Variants in PCDHA11 observed in about 807,000 individuals in gnomAD.
The protein encoded by PCDHA11 is protocadherin alpha-11.
PCDHA11 carries 61 observed loss-of-function variants against 70.3 expected under a neutral mutation model. The observed-to-expected ratio is 0.87, with a 90% CI of 0.71 to 1.07. The LOEUF is 1.07. Ranked by LOEUF, PCDHA11 falls within the 50% of genes least tolerant of loss-of-function variation. The probability of loss-of-function intolerance (pLI) is 0.00; values close to 1 mark genes in which losing one functional copy is unlikely to be tolerated. For synonymous variants in PCDHA11, 633 were observed against 555.1 expected (o/e 1.14, Z -1.97); for missense variants, 1,324 against 1,237.5 (o/e 1.07, Z -1.05).
chr5:140,930,098 A>G (rs1345846320), intron 1 of PCDHA11: 1 of 152,124 alleles, frequency 6.6e-6, no homozygotes, highest in Non-Finnish European at 1.5e-5. Flanking sequence ...ATTTATACTG[A>G]TAGGAGATCA....
At chr5:140,887,333 T>A (rs1214047567) in intron 1 of PCDHA11, among the ~76,000 whole-genome samples, 1 of 152,174 alleles carries the variant, frequency 6.6e-6, no homozygotes, top group African/African-American at 2.4e-5. Context: ...CCTGACCTCG[T>A]GATCCACCTG....
At chr5:140,926,926 T>C in intron 1 of PCDHA11, 1 of 1,573,576 alleles carries the variant, frequency 6.4e-7, no homozygotes, top group South Asian at 1.2e-5. Flanking sequence ...TTTATGTTTG[T>C]GGGTTTCCTG....
chr5:140,979,604 A>T (rs1326370777), intron 2 of PCDHA11, among the ~76,000 whole-genome samples: 1 of 152,204 alleles, frequency 6.6e-6, no homozygotes, highest in African/African-American at 2.4e-5. Context: ...AAATTAACCT[A>T]GAGTAACGGT....
rs1310366696 is a variant in PCDHA11 at position 140,890,210 on chromosome 5, T to A, written c.2391+18716T>A. Among the ~76,000 whole-genome samples the A allele has an allele frequency of 5.3e-5, 8 of 152,148 alleles. 1 individual carries two copies. Among genetic ancestry groups the A allele is most frequent in the Admixed American group, 3.3e-4 (5 of 15,270 alleles). On this transcript the variant is annotated intron_variant, in intron 1 of 3. Coordinates refer to ENST00000398640, the MANE Select transcript of PCDHA11 (RefSeq NM_018902.5). ...AACAGAGTTTTTTGTTTTTCTTTTT[T>A]CCCAGAGACCTAGTTGTTAAGCATT... is the stretch of plus-strand genomic sequence containing the variant.
intron 3 of PCDHA11, among the ~76,000 whole-genome samples, chr5:140,993,956 C>T (rs2097588909): frequency 6.6e-6 from 1 of 152,140 alleles, no homozygotes; most frequent in Admixed American, 6.5e-5. Flanking sequence ...TGATACATGA[C>T]TGTAGTCATC....
At chr5:141,001,971 G>C (rs1240624295) in intron 3 of PCDHA11, among the ~76,000 whole-genome samples, 2 of 152,186 alleles carry the variant, frequency 1.3e-5, no homozygotes, top group Admixed American at 1.3e-4. Flanking sequence ...GGGTGTCTCT[G>C]CGCGGAAAGC....
chr5:140,949,537 C>T (rs1359504503), intron 1 of PCDHA11, among the ~76,000 whole-genome samples: 4 of 151,692 alleles, frequency 2.6e-5, no homozygotes, highest in African/African-American at 7.3e-5. Context: ...CATAAAATAT[C>T]GATTTGTTGC....
At chr5:140,969,249 ACAG>A in intron 1 of PCDHA11, 1 of 1,614,240 alleles carries the variant, frequency 6.2e-7, no homozygotes, top group Non-Finnish European at 8.5e-7. Flanking sequence ...GCAGTGACTG[ACAG>A]CAGGAATCTC....
At chr5:141,005,826 A>T (rs1283643370) in intron 3 of PCDHA11, among the ~76,000 whole-genome samples, 4 of 151,340 alleles carry the variant, frequency 2.6e-5, no homozygotes, top group Admixed American at 6.6e-5. Flanking sequence ...GGTGGCCTGT[A>T]GTCCCAGCCA....
At chr5:140,974,264 C>A (rs2096620873) in intron 1 of PCDHA11, among the ~76,000 whole-genome samples, 1 of 152,168 alleles carries the variant, frequency 6.6e-6, no homozygotes, top group African/African-American at 2.4e-5. Flanking sequence ...CCTTTCTGGC[C>A]TTCCAGGGTC....
intron 1 of PCDHA11, chr5:140,883,972 C>G (rs781784485): frequency 3.1e-6 from 5 of 1,612,854 alleles, no homozygotes; most frequent in Non-Finnish European, 4.2e-6. Context: ...TGCTGACGCC[C>G]GGGGCTGGCA....
At chr5:140,918,742 A>T (rs2078833886) in intron 1 of PCDHA11, among the ~76,000 whole-genome samples, 1 of 152,170 alleles carries the variant, frequency 6.6e-6, no homozygotes, top group Non-Finnish European at 1.5e-5. Context: ...GCCCTTATAA[A>T]AGAGGCCCAG....
At chr5:140,989,837 T>C (rs1389244965) in intron 3 of PCDHA11, among the ~76,000 whole-genome samples, 1 of 152,120 alleles carries the variant, frequency 6.6e-6, no homozygotes, top group African/African-American at 2.4e-5. Context: ...AGCCTGTCAA[T>C]GAGTGTGTGG....
intron 1 of PCDHA11, among the ~76,000 whole-genome samples, chr5:140,891,237 T>C (rs2063002731): frequency 6.6e-6 from 1 of 152,210 alleles, no homozygotes; most frequent in South Asian, 2.1e-4. Flanking sequence ...CTGTTCTGGA[T>C]TCAGTAGGAT....
chr5:140,997,559 T>C (rs550494855), intron 3 of PCDHA11, among the ~76,000 whole-genome samples: 9 of 152,148 alleles, frequency 5.9e-5, no homozygotes, highest in Non-Finnish European at 1.3e-4. Context: ...ACAGGACAAC[T>C]GTCATATGTG....
In PCDHA11 at chr5:140,870,883, C is replaced by A. The variant is rs782137761; in HGVS notation, c.1780C>A (p.Arg594Ser). The A allele has an allele frequency of 6.2e-7, 1 of 1,613,920 alleles. No homozygotes were observed. Among genetic ancestry groups the A allele is most frequent in the Non-Finnish European group, 8.5e-7 (1 of 1,179,902 alleles). The change falls in exon 1 of 4, where the codon CGC becomes AGC. Residue 594 changes from arginine (R) to serine (S), a missense_variant. Arg to Ser is a moderately radical substitution (Grantham distance 110). Transcript: ENST00000398640. ...TGCGGGCCACGTGGTGGCGAAGGTGCGCGCAGTGGATGCGGACTCAGGCTA... is the reference window on the plus strand; with the variant it reads ...TGCGGGCCACGTGGTGGCGAAGGTGAGCGCAGTGGATGCGGACTCAGGCTA... Reference protein sequence around the residue: ...VGAGHVVAKVRAVDADSGYNA... With the variant: ...VGAGHVVAKVSAVDADSGYNA...
chr5:140,928,552 G>A lies in PCDHA11; in HGVS notation c.2392-50397G>A, dbSNP rs145928329. On this transcript the variant is annotated intron_variant, in intron 1 of 3. Coordinates refer to ENST00000398640, the MANE Select transcript of PCDHA11 (RefSeq NM_018902.5). ...GGTAGATAGGAATGACAATTATCCGGTTATCTTGTTTCCCTTGCCCAGAAA... is the reference window on the plus strand; with the variant it reads ...GGTAGATAGGAATGACAATTATCCGATTATCTTGTTTCCCTTGCCCAGAAA... The A allele has an allele frequency of 6.7e-4, 1,075 of 1,614,218 alleles. 1 individual carries two copies. Among genetic ancestry groups the A allele is most frequent in the Non-Finnish European group, 8.6e-4 (1,013 of 1,180,042 alleles).
chr5:140,917,324 C>CGGGGGGG (rs1299895515), intron 1 of PCDHA11, among the ~76,000 whole-genome samples: 2 of 76,152 alleles, frequency 2.6e-5, no homozygotes, highest in African/African-American at 4.3e-5. Flanking sequence ...GTTCATGTGG[C>CGGGGGGG]GGGGGAGGGG....
rs1236174883 is a variant in PCDHA11 at position 140,948,633 on chromosome 5, C to T, written c.2392-30316C>T. Among the ~76,000 whole-genome samples the T allele has an allele frequency of 2.6e-5, 4 of 151,768 alleles. No individual in the cohort carries two copies. The East Asian group carries it at 7.7e-4, about 29-fold the overall frequency. ...GGCACAAAGTTGTTAATAATATTCTCTCATCTTTTAACGTCTGTATAATCT... is the reference window on the plus strand; with the variant it reads ...GGCACAAAGTTGTTAATAATATTCTTTCATCTTTTAACGTCTGTATAATCT... On this transcript the variant is annotated intron_variant, in intron 1 of 3. Transcript: ENST00000398640.
Sources: allele counts gnomAD v4.1 joint callset (sites outside exome capture counted in the v4.1 genomes callset), GRCh38; gene constraint gnomAD v4.1.1; transcripts MANE v1.5; gene names NCBI Gene and HGNC (gene_info 2026-07-23, HGNC 2026-07-21).